Variants in CDH12 observed in about 807,000 individuals in gnomAD.
CDH12 encodes the protein cadherin 12.
In CDH12, 41 loss-of-function variants were observed where a neutral mutation model predicts 74.1. The observed-to-expected ratio is 0.55, with a 90% confidence interval of 0.43 to 0.72. The LOEUF (loss-of-function observed/expected upper bound fraction) is 0.72. Ranked by LOEUF, CDH12 falls within the 30% of genes least tolerant of loss-of-function variation. The pLI, the probability that CDH12 is intolerant of heterozygous loss-of-function variation, is 0.00. For missense variants in CDH12, 945 were observed against 977.2 expected, an observed-to-expected ratio of 0.97 and a Z score of 0.44; for synonymous variants, 399 against 355.0, an observed-to-expected ratio of 1.12 and a Z score of -1.39.
At chr5:21,838,520 A>G (rs1462622121) in intron 8 of CDH12, among the ~76,000 whole-genome samples, 1 of 152,164 alleles carries the variant, frequency 6.6e-6, no homozygotes, top group East Asian at 1.9e-4. Flanking sequence ...AGATCATGCC[A>G]TTGCACTCCA....
chr5:21,806,041 A>C (rs1747408910), intron 9 of CDH12, among the ~76,000 whole-genome samples: 1 of 152,188 alleles, frequency 6.6e-6, no homozygotes, highest in South Asian at 2.1e-4. Context: ...CATCTAATTG[A>C]GTTGTGCAGT....
chr5:22,769,885 A>G (rs1266403134), intron 1 of CDH12, among the ~76,000 whole-genome samples: 1 of 152,170 alleles, frequency 6.6e-6, no homozygotes, highest in East Asian at 1.9e-4. Context: ...TCATTTAATT[A>G]GGCTTATATA....
intron 2 of CDH12, among the ~76,000 whole-genome samples, chr5:22,472,194 G>A (rs1745987668): frequency 6.6e-6 from 1 of 152,076 alleles, no homozygotes; most frequent in Admixed American, 6.6e-5. Flanking sequence ...TTCTTATTAA[G>A]TCAGAGCTTG....
intron 3 of CDH12, among the ~76,000 whole-genome samples, chr5:22,277,254 C>T (rs1427277229): frequency 6.6e-6 from 1 of 152,174 alleles, no homozygotes; most frequent in African/African-American, 2.4e-5. Context: ...TATTTCTCTG[C>T]CACGAATGCT....
intron 4 of CDH12, among the ~76,000 whole-genome samples, chr5:22,149,980 C>T (rs1195208014): frequency 3.3e-5 from 5 of 151,924 alleles, no homozygotes; most frequent in Non-Finnish European, 7.4e-5. Context: ...GGTGACAGAG[C>T]AAGTTTCAAA....
chr5:21,939,130 GA>G (rs201987297), intron 6 of CDH12, among the ~76,000 whole-genome samples: 25,321 of 150,864 alleles, frequency 0.17, 2,516 homozygotes, highest in African/African-American at 0.27. Flanking sequence ...TATAGATATA[GA>G]AAAGAAAAAA....
At chr5:22,385,663 C>T (rs1486858582) in intron 3 of CDH12, among the ~76,000 whole-genome samples, 1 of 152,058 alleles carries the variant, frequency 6.6e-6, no homozygotes, top group Non-Finnish European at 1.5e-5. Context: ...CAAACCCAGA[C>T]GGCCTGTATT....
intron 1 of CDH12, among the ~76,000 whole-genome samples, chr5:22,650,722 A>C (rs543499906): frequency 6.6e-6 from 1 of 152,146 alleles, no homozygotes; most frequent in South Asian, 2.1e-4. Context: ...GATATTGGGT[A>C]ATGAAGCATC....
At chr5:22,570,371 T>C (rs1038567374) in intron 1 of CDH12, among the ~76,000 whole-genome samples, 1 of 152,114 alleles carries the variant, frequency 6.6e-6, no homozygotes, top group Non-Finnish European at 1.5e-5. Flanking sequence ...TCTTAAATCA[T>C]AATATTCGAA....
intron 1 of CDH12, among the ~76,000 whole-genome samples, chr5:22,557,361 A>G (rs1738841333): frequency 6.6e-6 from 1 of 151,992 alleles, no homozygotes; most frequent in African/African-American, 2.4e-5. Context: ...GAGATTGGGA[A>G]CTCTGAGAGG....
intron 5 of CDH12, among the ~76,000 whole-genome samples, chr5:21,976,417 G>A (rs867338219): frequency 2.6e-5 from 4 of 151,440 alleles, no homozygotes; most frequent in Admixed American, 6.6e-5. Context: ...AGTCTTAAAC[G>A]TATATAAATT....
At chr5:21,824,765 T>TGA (rs1748565615) in intron 8 of CDH12, among the ~76,000 whole-genome samples, 1 of 152,180 alleles carries the variant, frequency 6.6e-6, no homozygotes, top group Non-Finnish European at 1.5e-5. Flanking sequence ...CACTCACTTT[T>TGA]AGTAGACAGG....
intron 1 of CDH12, among the ~76,000 whole-genome samples, chr5:22,685,845 G>C (rs1028337835): frequency 1.3e-5 from 2 of 152,206 alleles, no homozygotes; most frequent in Middle Eastern, 3.4e-3. Flanking sequence ...TATGATTAAT[G>C]CCATTACGAA....
intron 3 of CDH12, among the ~76,000 whole-genome samples, chr5:22,268,825 T>G (rs1736251950): frequency 6.6e-6 from 1 of 152,152 alleles, no homozygotes; most frequent in Admixed American, 6.6e-5. Context: ...TATAACAGTA[T>G]TTTTAATTAT....
chr5:22,145,302 T>C (rs1747088100), intron 4 of CDH12, among the ~76,000 whole-genome samples: 1 of 152,120 alleles, frequency 6.6e-6, no homozygotes, highest in African/African-American at 2.4e-5. Context: ...GTACAGCTGC[T>C]AGCAATGAGG....
intron 4 of CDH12, among the ~76,000 whole-genome samples, chr5:22,186,039 A>G (rs910732357): frequency 1.3e-5 from 2 of 152,210 alleles, no homozygotes; most frequent in Non-Finnish European, 2.9e-5. Context: ...ACCTGACAGA[A>G]TTGCATCTGG....
intron 6 of CDH12, among the ~76,000 whole-genome samples, chr5:21,915,364 G>A (rs533606230): frequency 2.6e-4 from 39 of 152,132 alleles, no homozygotes; most frequent in African/African-American, 7.7e-4. Context: ...TTCAGGAAGC[G>A]AACTGCAAGG....
intron 7 of CDH12, among the ~76,000 whole-genome samples, chr5:21,849,882 G>A (rs983031265): frequency 5.9e-5 from 9 of 151,624 alleles, no homozygotes; most frequent in African/African-American, 1.9e-4. Flanking sequence ...ATTCCCAATA[G>A]TCAATATATG....
At chr5:22,169,788 T>A (rs975809491) in intron 4 of CDH12, among the ~76,000 whole-genome samples, 1 of 151,976 alleles carries the variant, frequency 6.6e-6, no homozygotes, top group Non-Finnish European at 1.5e-5. Flanking sequence ...GAGTTACCTC[T>A]GTTTTATACA....
Sources: gnomAD v4.1 joint callset for allele counts (sites outside exome capture counted in the v4.1 genomes callset) on GRCh38, gnomAD v4.1.1 for gene constraint, MANE v1.5 for transcripts, NCBI Gene and HGNC (gene_info 2026-07-23, HGNC 2026-07-21) for gene names.